FMO2: variants seen among roughly 807,000 people sequenced by gnomAD.
FMO2 encodes flavin-containing monooxygenase 2.
Under a neutral mutation model 41.6 loss-of-function variants are expected in FMO2, and 33 were observed. That is an observed-to-expected ratio of 0.79 (90% confidence interval 0.60 to 1.06). FMO2 has a LOEUF of 1.06. Ranked by LOEUF, FMO2 falls within the 50% of genes least tolerant of loss-of-function variation. The probability of loss-of-function intolerance (pLI) is 0.00; values close to 1 mark genes in which losing one functional copy is unlikely to be tolerated. For synonymous variants in FMO2, 214 were observed against 219.6 expected, an observed-to-expected ratio of 0.97 and a Z score of 0.23; for missense variants, 619 against 632.9, an observed-to-expected ratio of 0.98 and a Z score of 0.23.
intron 2 of FMO2, among the ~76,000 whole-genome samples, chr1:171,189,786 T>C (rs1197281174): frequency 6.6e-6 from 1 of 151,686 alleles, no homozygotes; most frequent in Non-Finnish European, 1.5e-5. Context: ...TACAGCCTTG[T>C]GCCACCACAC....
At chr1:171,190,892 T>A (rs1257479652) in intron 2 of FMO2, among the ~76,000 whole-genome samples, 1 of 152,166 alleles carries the variant, frequency 6.6e-6, no homozygotes, top group Non-Finnish European at 1.5e-5. Context: ...ACGCCTGTAA[T>A]CCCAGCACTT....
intron 5 of FMO2, among the ~76,000 whole-genome samples, chr1:171,200,162 T>C (rs552669404): frequency 7.9e-5 from 12 of 152,298 alleles, no homozygotes; most frequent in African/African-American, 2.9e-4. Flanking sequence ...AAAAGAAAGA[T>C]TAAATAGATA....
chr1:171,198,611 A>G (rs1433216369), intron 4 of FMO2, among the ~76,000 whole-genome samples: 1 of 152,022 alleles, frequency 6.6e-6, no homozygotes, highest in African/African-American at 2.4e-5. Context: ...GAGCTTCATC[A>G]TGTTGGCCAG....
chr1:171,201,318 T>TATAAATG (rs1658525204), intron 5 of FMO2, among the ~76,000 whole-genome samples: 1 of 152,186 alleles, frequency 6.6e-6, no homozygotes, highest in African/African-American at 2.4e-5. Context: ...AAATATAATG[T>TATAAATG]TATAATCATA....
At chr1:171,192,300 A>T (rs1658115141) in intron 2 of FMO2, among the ~76,000 whole-genome samples, 1 of 152,078 alleles carries the variant, frequency 6.6e-6, no homozygotes, top group Non-Finnish European at 1.5e-5. Flanking sequence ...TGAGACAGAA[A>T]CCCCCTTGTA....
intron 3 of FMO2, 147 bp downstream of exon 3, chr1:171,193,670 A>C (rs1446345040): frequency 3.3e-6 from 2 of 603,442 alleles, no homozygotes; most frequent in African/African-American, 3.8e-5. Flanking sequence ...ATAAAACCCA[A>C]AAAGTAGTGT....
chr1:171,200,899 G>A (rs1309082968), intron 5 of FMO2, among the ~76,000 whole-genome samples: 1 of 152,178 alleles, frequency 6.6e-6, no homozygotes, highest in African/African-American at 2.4e-5. Context: ...TAATGGGGCA[G>A]TATGTGAGGA....
chr1:171,196,908 C>A, intron 4 of FMO2, 97 bp downstream of exon 4: 2 of 1,041,068 alleles, frequency 1.9e-6, no homozygotes, highest in Non-Finnish European at 2.9e-6. Flanking sequence ...TGCAACTGGG[C>A]AGAACTTGGC....
chr1:171,203,926 C>T lies in FMO2; in HGVS notation c.689C>T (p.Pro230Leu), dbSNP rs144453031. 53 of 1,613,700 alleles carry T rather than the reference C, an allele frequency of 3.3e-5. No homozygotes were observed. The Middle Eastern group carries it at 5.0e-4, about 15-fold the overall frequency. The change falls in exon 6 of 9, where the codon CCT becomes CTT. Residue 230 changes from proline to leucine, a missense_variant. Transcript: ENST00000209929. ...VMSRISEDGYPWDSVFHTRFR... is the reference protein window; with the variant it reads ...VMSRISEDGYLWDSVFHTRFR... ...AGCCGTATCTCTGAAGATGGCTATC[C>T]TTGGGACTCAGTGTTCCACACCCGG...
At chr1:171,186,759 A>T (rs1657870124) in intron 2 of FMO2, among the ~76,000 whole-genome samples, 1 of 152,222 alleles carries the variant, frequency 6.6e-6, no homozygotes, top group Non-Finnish European at 1.5e-5. Context: ...AAACTTAGAA[A>T]GTTGCATAGA....
chr1:171,188,014 G>A (rs909584641), intron 2 of FMO2, among the ~76,000 whole-genome samples: 1 of 142,850 alleles, frequency 7.0e-6, no homozygotes, highest in African/African-American at 2.6e-5. Flanking sequence ...AGGTTCACAT[G>A]TAGATTTCAG....
chr1:171,187,974 G>A (rs1248479528), intron 2 of FMO2, among the ~76,000 whole-genome samples: 1 of 148,016 alleles, frequency 6.8e-6, no homozygotes, highest in Admixed American at 6.8e-5. Flanking sequence ...GGTCATTCCT[G>A]TCTTAACCAA....
chr1:171,208,516 G>T (rs1306805062), intron 8 of FMO2, among the ~76,000 whole-genome samples: 2 of 152,132 alleles, frequency 1.3e-5, no homozygotes, highest in Non-Finnish European at 2.9e-5. Context: ...GTACTTGCCT[G>T]GAGATTTGCC....
intron 5 of FMO2, among the ~76,000 whole-genome samples, chr1:171,202,535 A>T: frequency 6.6e-6 from 1 of 152,194 alleles, no homozygotes; most frequent in East Asian, 1.9e-4. Flanking sequence ...AGCTAGCAGT[A>T]CTTATCACTT....
chr1:171,197,601 C>G (rs1235478312), intron 4 of FMO2, among the ~76,000 whole-genome samples: 1 of 152,192 alleles, frequency 6.6e-6, no homozygotes, highest in Non-Finnish European at 1.5e-5. Context: ...GCTTGAATGT[C>G]CTGTCCAAAA....
At chr1:171,191,001 T>C (rs7538013) in intron 2 of FMO2, among the ~76,000 whole-genome samples, 76,839 of 151,748 alleles carry the variant, frequency 0.51, 20,451 homozygotes, top group African/African-American at 0.65. Flanking sequence ...CAAAATTAGC[T>C]GGGCATGGTG....
chr1:171,201,249 G>A (rs2102003300), intron 5 of FMO2, among the ~76,000 whole-genome samples: 1 of 152,112 alleles, frequency 6.6e-6, no homozygotes, highest in South Asian at 2.1e-4. Flanking sequence ...TTAAAACAGA[G>A]CCTCAGTAAA....
At chr1:171,189,394 C>T (rs1432091271) in intron 2 of FMO2, among the ~76,000 whole-genome samples, 5 of 152,066 alleles carry the variant, frequency 3.3e-5, no homozygotes, top group African/African-American at 1.2e-4. Flanking sequence ...CCCCCAAGAT[C>T]CAACATTCCA....
intron 5 of FMO2, among the ~76,000 whole-genome samples, chr1:171,201,337 G>T (rs1314284237): frequency 6.6e-6 from 1 of 151,990 alleles, no homozygotes; most frequent in Non-Finnish European, 1.5e-5. Context: ...TACATTTCCA[G>T]GATTATACTC....
Sources: gnomAD v4.1 joint callset for allele counts (sites outside exome capture counted in the v4.1 genomes callset) on GRCh38, gnomAD v4.1.1 for gene constraint, MANE v1.5 for transcripts, NCBI Gene and HGNC (gene_info 2026-07-23, HGNC 2026-07-21) for gene names.